The following IQGAP2 variants were observed in gnomAD, a reference collection of about 807,000 sequenced individuals.
IQGAP2 encodes ras GTPase-activating-like protein IQGAP2.
A neutral mutation model predicts 201.3 loss-of-function variants in IQGAP2; 173 were observed. The observed-to-expected ratio is 0.86, with a 90% CI of 0.76 to 0.98. The LOEUF is 0.98. IQGAP2 is among the 50% of genes least tolerant of loss of function. The pLI, the probability that IQGAP2 is intolerant of heterozygous loss-of-function variation, is 0.00. For synonymous variants in IQGAP2, 675 were observed against 673.9 expected (o/e 1.00, Z -0.03); for missense variants, 1,687 against 1,864.8 (o/e 0.90, Z 1.76).
chr5:76,438,101 TA>T (rs1561371749), intron 1 of IQGAP2, among the ~76,000 whole-genome samples: 2 of 150,768 alleles, frequency 1.3e-5, no homozygotes, highest in African/African-American at 4.9e-5. Flanking sequence ...CTAGCTTTCA[TA>T]GAATGAGTTA....
At chr5:76,531,956 G>C (rs1023531394) in intron 2 of IQGAP2, among the ~76,000 whole-genome samples, 2 of 152,192 alleles carry the variant, frequency 1.3e-5, no homozygotes, top group African/African-American at 4.8e-5. Context: ...ATGGCTGTCT[G>C]CTCACGTAAT....
chr5:76,663,774 C>T (rs910135944), intron 21 of IQGAP2, among the ~76,000 whole-genome samples: 1 of 152,220 alleles, frequency 6.6e-6, no homozygotes, highest in African/African-American at 2.4e-5. Flanking sequence ...CTCAAGCCAT[C>T]CTCCCATGTT....
intron 24 of IQGAP2, among the ~76,000 whole-genome samples, chr5:76,672,784 T>C (rs1157663032): frequency 6.6e-6 from 1 of 151,904 alleles, no homozygotes; most frequent in Non-Finnish European, 1.5e-5. Context: ...ACAGAGGAGA[T>C]TGGACAGTTA....
rs138228775 is a variant in IQGAP2, at chr5:76,416,546, G to A, written c.46+12955G>A. 9.9e-3 allele frequency among the ~76,000 whole-genome samples: 1,383 copies of A among 140,268 alleles called. 33 individuals are homozygous for A. The highest frequency in any genetic ancestry group is 0.043 in the African/African-American group (1,328 of 31,108). The allele number at this position is 140,268 out of a possible 152,430, so 92.0% of individuals were successfully genotyped here. A position where few individuals can be genotyped will look rare whatever the true frequency, so the allele number is the denominator to read the frequency against. On this transcript the variant is annotated intron_variant, in intron 1 of 35. Coordinates refer to ENST00000274364, the MANE Select transcript of IQGAP2 (RefSeq NM_006633.5). ...GTTCTTTGAGCTTTTTTTTTTTTGAGACGGAGTCTCACTCTGTCACCCAGG... is the reference window on the plus strand; with the variant it reads ...GTTCTTTGAGCTTTTTTTTTTTTGAAACGGAGTCTCACTCTGTCACCCAGG...
In IQGAP2 at chr5:76,677,258, G is replaced by A. The variant is rs1433008748; in HGVS notation, c.3568G>A (p.Glu1190Lys). The A allele has an allele frequency of 1.2e-6, 2 of 1,613,476 alleles. No homozygotes were observed. The highest frequency in any genetic ancestry group is 1.7e-5 in the Admixed American group (1 of 59,960). ...KEACNVPEPE[E>K]KFNMDKYTDL... ...AGCATGTAATGTCCCTGAGCCAGAA[G>A]AGAAGTTTAATATGGACAAATACAC... Residue 1190 changes from glutamate (E) to lysine (K), a missense_variant, in exon 28 of 36, where the codon GAG (glutamate) becomes AAG (lysine). Coordinates refer to ENST00000274364, the MANE Select transcript of IQGAP2 (RefSeq NM_006633.5).
intron 2 of IQGAP2, among the ~76,000 whole-genome samples, chr5:76,498,349 T>C (rs1757098322): frequency 6.6e-6 from 1 of 152,244 alleles, no homozygotes; most frequent in African/African-American, 2.4e-5. Flanking sequence ...ATTGTGGGAA[T>C]GTGGCAGATG....
intron 28 of IQGAP2, among the ~76,000 whole-genome samples, chr5:76,681,844 G>T (rs1458195497): frequency 6.6e-6 from 1 of 152,128 alleles, no homozygotes; most frequent in African/African-American, 2.4e-5. Flanking sequence ...TCTATCACTA[G>T]ATGAATGGAT....
chr5:76,475,347 A>G (rs1469933939), intron 2 of IQGAP2, among the ~76,000 whole-genome samples: 2 of 152,334 alleles, frequency 1.3e-5, no homozygotes, highest in East Asian at 1.9e-4. Flanking sequence ...CCAACAAGAT[A>G]AAAGAATGGG....
At chr5:76,420,536 C>T (rs549568702) in intron 1 of IQGAP2, among the ~76,000 whole-genome samples, 93 of 152,048 alleles carry the variant, frequency 6.1e-4, no homozygotes, top group African/African-American at 2.1e-3. Flanking sequence ...CCACCACGCC[C>T]GGCTAATTTT....
rs551057105 is a variant in IQGAP2, at chr5:76,562,746, C to G, written c.303+194C>G. Among the ~76,000 whole-genome samples the G allele has an allele frequency of 2.0e-5, 3 of 152,292 alleles. No homozygotes were observed. In the South Asian group the frequency reaches 6.2e-4, roughly 32 times the overall value. On this transcript the variant is annotated intron_variant, in intron 3 of 35. Coordinates refer to ENST00000274364, the MANE Select transcript of IQGAP2 (RefSeq NM_006633.5). ...AAGTGTTTCTATTTCTGGTCTGACA[C>G]TAAGAGACCTCTGACTTATGGGGCT... is the stretch of plus-strand genomic sequence containing the variant.
At chr5:76,496,757 C>CTTTTCTTTCTTTCT (rs780938080) in intron 2 of IQGAP2, among the ~76,000 whole-genome samples, 2 of 79,266 alleles carry the variant, frequency 2.5e-5, no homozygotes, top group Non-Finnish European at 4.9e-5. Flanking sequence ...TTCTTTCTTT[C>CTTTTCTTTCTTTCT]TTTCTTTCTT....
intron 2 of IQGAP2, among the ~76,000 whole-genome samples, chr5:76,526,649 C>T (rs4704322): frequency 0.19 from 28,344 of 151,984 alleles, 4,270 homozygotes; most frequent in East Asian, 0.89. Context: ...TTTCTTCCAC[C>T]GGAGACGTAG....
chr5:76,641,828 A>G (rs1751613526), intron 17 of IQGAP2, among the ~76,000 whole-genome samples: 1 of 152,164 alleles, frequency 6.6e-6, no homozygotes, highest in Non-Finnish European at 1.5e-5. Flanking sequence ...TTTACTTTGA[A>G]GTTTCCTAAA....
chr5:76,478,614 C>G (rs1346541958), intron 2 of IQGAP2, among the ~76,000 whole-genome samples: 1 of 152,090 alleles, frequency 6.6e-6, no homozygotes, highest in African/African-American at 2.4e-5. Flanking sequence ...AGCTACAGGC[C>G]GGGCCCCCTT....
At chr5:76,405,499 C>T (rs908903424) in intron 1 of IQGAP2, among the ~76,000 whole-genome samples, 8 of 152,226 alleles carry the variant, frequency 5.3e-5, no homozygotes, top group Middle Eastern at 3.2e-3. Context: ...TGTTTCCAGA[C>T]TTTCTTGTCA....
At chr5:76,524,111 C>A (rs999243786) in intron 2 of IQGAP2, among the ~76,000 whole-genome samples, 2 of 152,090 alleles carry the variant, frequency 1.3e-5, no homozygotes, top group African/African-American at 4.8e-5. Flanking sequence ...TAGGAGAAGG[C>A]CCCCCAGTTA....
At chr5:76,491,691 A>C (rs566558012) in intron 2 of IQGAP2, among the ~76,000 whole-genome samples, 16 of 152,282 alleles carry the variant, frequency 1.1e-4, no homozygotes, top group African/African-American at 2.9e-4. Flanking sequence ...AGCCGTCAGC[A>C]AATACCTGGC....
At chr5:76,549,359 T>C (rs543203286) in intron 2 of IQGAP2, among the ~76,000 whole-genome samples, 2 of 151,478 alleles carry the variant, frequency 1.3e-5, no homozygotes, top group East Asian at 3.9e-4. Context: ...TTTCAACCAT[T>C]GTGTTAGATG....
chr5:76,456,008 C>A (rs572687774), intron 1 of IQGAP2, among the ~76,000 whole-genome samples: 1 of 152,270 alleles, frequency 6.6e-6, no homozygotes, highest in African/African-American at 2.4e-5. Flanking sequence ...CCATAAAGTT[C>A]CCCTGCCCTT....
Sources: allele counts gnomAD v4.1 joint callset (sites outside exome capture counted in the v4.1 genomes callset), GRCh38; gene constraint gnomAD v4.1.1; transcripts MANE v1.5; gene names NCBI Gene and HGNC (gene_info 2026-07-23, HGNC 2026-07-21).